EPB41L3: variants seen among roughly 807,000 people sequenced by gnomAD.
EPB41L3 encodes band 4.1-like protein 3.
A neutral mutation model predicts 127.1 loss-of-function variants in EPB41L3; 57 were observed. The ratio of observed to expected loss-of-function variants is 0.45; its 90% CI spans 0.36 to 0.56. The LOEUF (loss-of-function observed/expected upper bound fraction) is 0.56, where lower values mean the gene tolerates loss of function less well. EPB41L3 is among the 20% of genes least tolerant of loss of function. EPB41L3 has a pLI of 0.00. For missense variants in EPB41L3, 1,273 were observed against 1,372.2 expected (o/e 0.93, Z 1.14); for synonymous variants, 572 against 549.5 (o/e 1.04, Z -0.57).
chr18:5,478,439 C>T lies in EPB41L3; in HGVS notation c.184-1G>A. On this transcript the variant is annotated splice_acceptor_variant, in intron 2 of 22. Coordinates refer to ENST00000341928, the MANE Select transcript of EPB41L3 (RefSeq NM_012307.5). LOFTEE classifies it high-confidence loss of function. ...CAAACTCCTGTTCCTTGTCAGTGAC[C>T]TGTGAAGAGCAAACAATCAACAGTT... 1 of 1,613,802 alleles carries T rather than the reference C, an allele frequency of 6.2e-7. No homozygotes were observed.
chr18:5,560,502 C>T (rs1172547831), intron 3 of EPB41L3, among the ~76,000 whole-genome samples: 1 of 152,136 alleles, frequency 6.6e-6, no homozygotes, highest in Non-Finnish European at 1.5e-5. Flanking sequence ...CAGGAAGAGA[C>T]AACTGGTTAT....
At chr18:5,545,236 A>G (rs1010829914), upstream of EPB41L3, among the ~76,000 whole-genome samples, 1 of 152,180 alleles carries the variant, frequency 6.6e-6, no homozygotes, top group Non-Finnish European at 1.5e-5. Flanking sequence ...GCCTTCTCCA[A>G]ATCATCCGGT....
At chr18:5,533,005 AAAG>A (rs2148952574) in intron 1 of EPB41L3, among the ~76,000 whole-genome samples, 1 of 152,302 alleles carries the variant, frequency 6.6e-6, no homozygotes, top group East Asian at 1.9e-4. Context: ...GGGCAAAAAA[AAAG>A]AAATGAAATT....
chr18:5,622,262 A>G (rs1314031573), intron 1 of EPB41L3, among the ~76,000 whole-genome samples: 1 of 152,246 alleles, frequency 6.6e-6, no homozygotes, highest in East Asian at 1.9e-4. Context: ...TATGCATTAT[A>G]TGACAAAAAG....
intron 16 of EPB41L3, chr18:5,398,356 A>G (rs2143852643): frequency 1.7e-6 from 1 of 597,476 alleles, no homozygotes; most frequent in Non-Finnish European, 2.9e-6. Flanking sequence ...TATTAGGATC[A>G]GGGTGGCGCC....
At chr18:5,410,494 C>G in intron 14 of EPB41L3, 72 bp downstream of exon 14, 1 of 1,131,018 alleles carries the variant, frequency 8.8e-7, no homozygotes, top group Non-Finnish European at 1.4e-6. Flanking sequence ...ATGTGGAGTT[C>G]TTAAACACAG....
chr18:5,436,366 G>C lies in EPB41L3; in HGVS notation c.605+1669C>G, dbSNP rs528737519. ...AGCCTCAGCTCTACAAATATTACAT[G>C]AGTCAACAGAAAGAAACCATGCACT... On this transcript the variant is annotated intron_variant, in intron 6 of 22. Coordinates refer to ENST00000341928, the MANE Select transcript of EPB41L3 (RefSeq NM_012307.5). 1.9e-4 allele frequency among the ~76,000 whole-genome samples: 28 copies of C among 150,370 alleles called. 1 individual carries two copies. The highest frequency in any genetic ancestry group is 9.9e-4 in the Admixed American group (15 of 15,104).
At chr18:5,435,849 G>A (rs2079695433) in intron 6 of EPB41L3, among the ~76,000 whole-genome samples, 1 of 150,908 alleles carries the variant, frequency 6.6e-6, no homozygotes, top group Non-Finnish European at 1.5e-5. Context: ...TAATGAGGTA[G>A]TCTCTTTATA....
At chr18:5,505,287 A>G (rs2148577393) in intron 1 of EPB41L3, among the ~76,000 whole-genome samples, 1 of 152,240 alleles carries the variant, frequency 6.6e-6, no homozygotes. Context: ...TCTGACGCCA[A>G]AGAAAATACA....
At chr18:5,581,019 T>G (rs928284930) in intron 3 of EPB41L3, among the ~76,000 whole-genome samples, 5 of 152,184 alleles carry the variant, frequency 3.3e-5, no homozygotes, top group African/African-American at 1.2e-4. Context: ...AGTGACTCTC[T>G]GAGGGTCTGT....
intron 1 of EPB41L3, among the ~76,000 whole-genome samples, chr18:5,501,055 C>A (rs969459960): frequency 2.0e-5 from 3 of 151,996 alleles, no homozygotes; most frequent in African/African-American, 7.3e-5. Context: ...TTGTATCTTG[C>A]CTTTTAAAGG....
chr18:5,489,034 G>A lies in EPB41L3; in HGVS notation c.150C>T (p.Ala50=), dbSNP rs770581819. ...GCACCGGGGTGCTGTGCGCTGCAGC[G>A]GCGGCGAACTGCTCCAGGGCCTGCT... ...EQQQALEQFA[A]AAAHSTPVRR... The change falls in exon 2 of 23, where the codon GCC becomes GCT. Residue 50 remains alanine (A), a synonymous_variant. Transcript: ENST00000341928. 5.0e-6 allele frequency: 8 copies of A among 1,591,178 alleles called. No individual in the cohort carries two copies. The highest frequency in any genetic ancestry group is 6.8e-6 in the Non-Finnish European group (8 of 1,175,696).
chr18:5,468,594 A>C (rs1344908050), intron 3 of EPB41L3, among the ~76,000 whole-genome samples: 1 of 152,224 alleles, frequency 6.6e-6, no homozygotes, highest in Non-Finnish European at 1.5e-5. Context: ...ACCGGCCTGC[A>C]GACAGGAGCT....
chr18:5,525,649 A>T (rs548515624), intron 1 of EPB41L3, among the ~76,000 whole-genome samples: 2 of 152,324 alleles, frequency 1.3e-5, no homozygotes, highest in Admixed American at 6.5e-5. Context: ...AACACATATG[A>T]TTATTATAGA....
At chr18:5,625,369 G>C (rs1458821349) in intron 1 of EPB41L3, among the ~76,000 whole-genome samples, 7 of 152,166 alleles carry the variant, frequency 4.6e-5, no homozygotes, top group Non-Finnish European at 7.4e-5. Context: ...ACACCACGGG[G>C]ACCCTGACGT....
intron 12 of EPB41L3, among the ~76,000 whole-genome samples, chr18:5,417,471 C>A (rs1394827290): frequency 6.6e-6 from 1 of 152,116 alleles, no homozygotes; most frequent in African/African-American, 2.4e-5. Flanking sequence ...TGGGCAGGTA[C>A]AGCAGCTGCT....
chr18:5,486,206 T>A (rs894426266), intron 2 of EPB41L3, among the ~76,000 whole-genome samples: 1 of 152,176 alleles, frequency 6.6e-6, no homozygotes, highest in African/African-American at 2.4e-5. Flanking sequence ...CCAACTCATC[T>A]TTGACAAAGG....
chr18:5,558,391 G>A (rs2094071944), intron 3 of EPB41L3, among the ~76,000 whole-genome samples: 2 of 152,182 alleles, frequency 1.3e-5, no homozygotes, highest in African/African-American at 2.4e-5. Context: ...CCAATTCCCA[G>A]AGGAACAATT....
chr18:5,478,133 G>T, intron 3 of EPB41L3, 108 bp downstream of exon 3: 2 of 929,446 alleles, frequency 2.2e-6, no homozygotes, highest in Non-Finnish European at 3.2e-6. Flanking sequence ...CTGGGTTTGA[G>T]TAATTTTCCA....
Sources: gnomAD v4.1 joint callset for allele counts (sites outside exome capture counted in the v4.1 genomes callset) on GRCh38, gnomAD v4.1.1 for gene constraint, MANE v1.5 for transcripts, NCBI Gene and HGNC (gene_info 2026-07-23, HGNC 2026-07-21) for gene names.